Variants in EPM2A observed in about 807,000 individuals in gnomAD.
The protein encoded by EPM2A is laforin.
A neutral mutation model predicts 26.5 loss-of-function variants in EPM2A; 21 were observed. The observed-to-expected ratio is 0.79, with a 90% CI of 0.56 to 1.14. The LOEUF is 1.14. EPM2A is among the 50% of genes most tolerant of loss of function. The probability of loss-of-function intolerance (pLI) is 0.00; values close to 1 mark genes in which losing one functional copy is unlikely to be tolerated. For synonymous variants in EPM2A, 217 were observed against 177.6 expected (o/e 1.22, Z -1.76); for missense variants, 458 against 440.8 (o/e 1.04, Z -0.35).
At chr6:145,555,657 G>A (rs190072294) in intron 2 of EPM2A, among the ~76,000 whole-genome samples, 11 of 151,994 alleles carry the variant, frequency 7.2e-5, no homozygotes, top group African/African-American at 2.7e-4. Context: ...ACACACACAC[G>A]CATATGCACA....
At chr6:145,400,449 G>T (rs1033753068) in intron 4 of EPM2A, among the ~76,000 whole-genome samples, 3 of 152,086 alleles carry the variant, frequency 2.0e-5, no homozygotes, top group Non-Finnish European at 2.9e-5. Context: ...CAAAAGATTT[G>T]TTCTACTGAT....
At chr6:145,388,618 A>G (rs1778294662) in intron 4 of EPM2A, among the ~76,000 whole-genome samples, 1 of 152,022 alleles carries the variant, frequency 6.6e-6, no homozygotes, top group East Asian at 1.9e-4. Context: ...CCACCCATCA[A>G]CCCATCATCT....
At chr6:145,614,240 T>C (rs1445965789) in intron 2 of EPM2A, among the ~76,000 whole-genome samples, 1 of 152,238 alleles carries the variant, frequency 6.6e-6, no homozygotes, top group Non-Finnish European at 1.5e-5. Context: ...CTCGCCTTTC[T>C]CAGCCATCAT....
intron 4 of EPM2A, among the ~76,000 whole-genome samples, chr6:145,488,520 TGTGAGAGA>T (rs1378506854): frequency 4.4e-5 from 6 of 136,530 alleles, no homozygotes; most frequent in Admixed American, 1.5e-4. Flanking sequence ...TGTGTGTGTG[TGTGAGAGA>T]GAGAGAGAGA....
At chr6:145,712,022 G>A (rs1297100836) in intron 1 of EPM2A, among the ~76,000 whole-genome samples, 2 of 152,110 alleles carry the variant, frequency 1.3e-5, no homozygotes, top group African/African-American at 4.8e-5. Context: ...CATGAATTCT[G>A]CTTAAAACTG....
intron 1 of EPM2A, among the ~76,000 whole-genome samples, chr6:145,732,858 T>G (rs539416469): frequency 1.3e-5 from 2 of 152,330 alleles, no homozygotes; most frequent in African/African-American, 4.8e-5. Context: ...CTCTTGTAAG[T>G]TCTTAATATA....
chr6:145,726,088 G>T (rs1776190911), intron 1 of EPM2A, among the ~76,000 whole-genome samples: 1 of 151,912 alleles, frequency 6.6e-6, no homozygotes, highest in Non-Finnish European at 1.5e-5. Flanking sequence ...GGAGGAAGGA[G>T]ACATAAAAGA....
intron 1 of EPM2A, among the ~76,000 whole-genome samples, chr6:145,694,302 T>A (rs1781449691): frequency 6.6e-6 from 1 of 152,022 alleles, no homozygotes; most frequent in African/African-American, 2.4e-5. Context: ...GAAGCTATTA[T>A]TGCATAAAGT....
intron 1 of EPM2A, among the ~76,000 whole-genome samples, chr6:145,712,639 C>CA (rs1033521768): frequency 9.2e-5 from 14 of 151,384 alleles, no homozygotes; most frequent in African/African-American, 1.5e-4. Context: ...TTCTGGAAAG[C>CA]AAAAAAAATG....
chr6:145,601,293 T>C (rs1781413996), intron 2 of EPM2A, among the ~76,000 whole-genome samples: 1 of 152,222 alleles, frequency 6.6e-6, no homozygotes, highest in Non-Finnish European at 1.5e-5. Context: ...CCTGTTGTTT[T>C]TCCCCTTTTT....
At chr6:145,383,773 T>G (rs1778222194) in exon 5 of EPM2A, 1 of 152,194 alleles carries the variant, frequency 6.6e-6, no homozygotes, top group South Asian at 2.1e-4. Context: ...GACACAAGAT[T>G]TCAACTTTTG....
intron 2 of EPM2A, among the ~76,000 whole-genome samples, chr6:145,618,299 C>T (rs1490556362): frequency 3.3e-5 from 5 of 152,224 alleles, no homozygotes; most frequent in Middle Eastern, 6.8e-3. Flanking sequence ...GATTGTTGAA[C>T]CTTTAAGCAA....
intron 4 of EPM2A, chr6:145,489,591 A>T (rs535416991): frequency 2.0e-5 from 21 of 1,055,964 alleles, no homozygotes; most frequent in Non-Finnish European, 2.7e-5. Context: ...CCGTTCAAAA[A>T]CCCAACAAGT....
chr6:145,384,201 A>C (rs1182369548), intron 4 of EPM2A: 1 of 152,192 alleles, frequency 6.6e-6, no homozygotes, highest in Non-Finnish European at 1.5e-5. Context: ...TATCAAGTTA[A>C]TAAGGGAAAA....
intron 1 of EPM2A, among the ~76,000 whole-genome samples, chr6:145,696,495 A>G (rs968023951): frequency 1.3e-5 from 2 of 152,138 alleles, no homozygotes; most frequent in Non-Finnish European, 2.9e-5. Flanking sequence ...TATTCCACAT[A>G]TATACTCATA....
chr6:145,617,907 T>C (rs1775550680), intron 2 of EPM2A, among the ~76,000 whole-genome samples: 1 of 152,206 alleles, frequency 6.6e-6, no homozygotes, highest in South Asian at 2.1e-4. Flanking sequence ...CGCACCACTG[T>C]ACTCCAACCT....
intron 2 of EPM2A, among the ~76,000 whole-genome samples, chr6:145,590,764 C>T (rs557694824): frequency 6.6e-6 from 1 of 152,196 alleles, no homozygotes; most frequent in African/African-American, 2.4e-5. Flanking sequence ...AAACCTCACA[C>T]TAAAGGCCCA....
At chr6:145,735,103 G>C (rs1776770990) in intron 1 of EPM2A, 95 bp downstream of exon 1, 3 of 844,926 alleles carry the variant, frequency 3.6e-6, no homozygotes, top group Admixed American at 8.5e-5. Flanking sequence ...GCGCGCCGCC[G>C]GGGCCTGCGG....
chr6:145,537,048 T>A (rs981114006), intron 2 of EPM2A, among the ~76,000 whole-genome samples: 1 of 152,108 alleles, frequency 6.6e-6, no homozygotes, highest in African/African-American at 2.4e-5. Context: ...AAGTTAGATA[T>A]GAGAACAAAA....
Sources: gnomAD v4.1 joint callset for allele counts (sites outside exome capture counted in the v4.1 genomes callset) on GRCh38, gnomAD v4.1.1 for gene constraint, MANE v1.5 for transcripts, NCBI Gene and HGNC (gene_info 2026-07-23, HGNC 2026-07-21) for gene names.